TEAD1: variants seen among roughly 807,000 people sequenced by gnomAD.
TEAD1 encodes transcriptional enhancer factor TEF-1.
A neutral mutation model predicts 54.9 loss-of-function variants in TEAD1; 9 were observed. The ratio of observed to expected loss-of-function variants is 0.16; its 90% CI spans 0.10 to 0.29. TEAD1 has a LOEUF of 0.29. TEAD1 is among the 10% of genes least tolerant of loss of function. The probability of loss-of-function intolerance (pLI) is 1.00; values close to 1 mark genes in which losing one functional copy is unlikely to be tolerated. For missense variants in TEAD1, 387 were observed against 535.9 expected (o/e 0.72, Z 2.74); for synonymous variants, 200 against 187.8 (o/e 1.07, Z -0.53).
chr11:12,857,933 A>C (rs1451252946), intron 3 of TEAD1, among the ~76,000 whole-genome samples: 7 of 152,058 alleles, frequency 4.6e-5, no homozygotes, highest in Admixed American at 4.6e-4. Context: ...AAAAAATACA[A>C]AAGTTGGTCT....
At chr11:12,893,449 T>A (rs1948240710) in intron 9 of TEAD1, among the ~76,000 whole-genome samples, 1 of 152,182 alleles carries the variant, frequency 6.6e-6, no homozygotes, top group Admixed American at 6.5e-5. Context: ...TCTGGCCACT[T>A]CCCCTGTTTC....
intron 3 of TEAD1, among the ~76,000 whole-genome samples, chr11:12,803,111 T>TG (rs1946097165): frequency 1.3e-5 from 2 of 151,988 alleles, no homozygotes; most frequent in Admixed American, 6.6e-5. Flanking sequence ...TATTTTTTTT[T>TG]TTTGTTTTGC....
chr11:12,818,062 A>G (rs1946453064), intron 3 of TEAD1, among the ~76,000 whole-genome samples: 1 of 152,242 alleles, frequency 6.6e-6, no homozygotes. Flanking sequence ...GATAACCTAT[A>G]GGAAATTGGG....
chr11:12,818,577 C>T (rs988550230), intron 3 of TEAD1, among the ~76,000 whole-genome samples: 2 of 152,228 alleles, frequency 1.3e-5, no homozygotes, highest in Admixed American at 6.5e-5. Flanking sequence ...AAGTCCAGCT[C>T]CTCCAAACTG....
intron 2 of TEAD1, among the ~76,000 whole-genome samples, chr11:12,698,868 A>G (rs1352458874): frequency 1.3e-5 from 2 of 152,192 alleles, no homozygotes; most frequent in Non-Finnish European, 2.9e-5. Flanking sequence ...GGGTAATTTC[A>G]CATACTCTTT....
At chr11:12,781,446 A>C (rs781598384) in intron 3 of TEAD1, among the ~76,000 whole-genome samples, 3 of 152,334 alleles carry the variant, frequency 2.0e-5, no homozygotes, top group Non-Finnish European at 4.4e-5. Context: ...TTGTATCTAG[A>C]ATATATAAAG....
At chr11:12,906,128 T>G (rs1267530293) in intron 10 of TEAD1, among the ~76,000 whole-genome samples, 1 of 152,176 alleles carries the variant, frequency 6.6e-6, no homozygotes. Context: ...TTACAGTGTC[T>G]CATGCCTTCA....
At position 12,941,495 on chromosome 11, in the gene TEAD1, A is replaced by C. The variant is rs1949162015; in HGVS notation, c.*4273A>C. The C allele has an allele frequency of 6.6e-6, 1 of 152,390 alleles. No individual in the cohort carries two copies. The highest frequency in any genetic ancestry group is 1.5e-5 in the Non-Finnish European group (1 of 68,032). The allele number at this position is 152,390 out of a possible 1,614,324, so 9.4% of individuals were successfully genotyped here. On this transcript the variant is annotated 3_prime_UTR_variant, in exon 13 of 13. Transcript: ENST00000527636. ...CTTTAGCAGTTGTTTTTGTGCAACT[A>C]TAAATTATTTAAATCATCTGAGATG...
chr11:12,885,381 G>A (rs1043985365), intron 9 of TEAD1, among the ~76,000 whole-genome samples: 1 of 151,480 alleles, frequency 6.6e-6, no homozygotes. Flanking sequence ...GACTACAGGC[G>A]CCCGCCACTA....
chr11:12,686,611 T>C (rs1261433602), intron 2 of TEAD1, among the ~76,000 whole-genome samples: 1 of 152,170 alleles, frequency 6.6e-6, no homozygotes, highest in Non-Finnish European at 1.5e-5. Context: ...TTTCAGATTA[T>C]ATTTTAGAAC....
In TEAD1 at chr11:12,830,486, A is replaced by G. The variant is rs12288249; in HGVS notation, c.203-31764A>G. On this transcript the variant is annotated intron_variant, in intron 3 of 12. Coordinates refer to ENST00000527636, the MANE Select transcript of TEAD1 (RefSeq NM_021961.6). ...TCTGGCTGCAGAGACCCTCCTTTTT[A>G]GAAGCAGGCAGGGAGTGGTGCCCAG... Among the ~76,000 whole-genome samples the G allele has an allele frequency of 1.7e-3, 258 of 152,144 alleles. 1 individual carries two copies. The highest frequency in any genetic ancestry group is 5.2e-3 in the African/African-American group (217 of 41,508).
intron 3 of TEAD1, among the ~76,000 whole-genome samples, chr11:12,838,281 T>C (rs1000308128): frequency 1.3e-5 from 2 of 152,208 alleles, no homozygotes; most frequent in African/African-American, 4.8e-5. Context: ...TGGAGCACTG[T>C]ATTGTCCTTG....
chr11:12,786,970 T>G (rs1330934138), intron 3 of TEAD1, among the ~76,000 whole-genome samples: 3 of 152,154 alleles, frequency 2.0e-5, no homozygotes, highest in Non-Finnish European at 4.4e-5. Context: ...TGAGGACTGG[T>G]GGGCCTCCGT....
At chr11:12,804,777 A>G (rs1018351611) in intron 3 of TEAD1, among the ~76,000 whole-genome samples, 2 of 152,158 alleles carry the variant, frequency 1.3e-5, no homozygotes, top group Non-Finnish European at 2.9e-5. Context: ...ATGTGTTGGG[A>G]TGCAAAGGTG....
At chr11:12,925,130 G>T in intron 11 of TEAD1, 78 bp downstream of exon 11, 5 of 1,548,552 alleles carry the variant, frequency 3.2e-6, no homozygotes, top group Non-Finnish European at 4.4e-6. Flanking sequence ...TTGGGGCAGA[G>T]AGTTGTATTT....
chr11:12,883,223 A>G lies in TEAD1; in HGVS notation c.699+98A>G, dbSNP rs921809186. ...TTTCTTTCCTCCTTTACCCCGCCCC[A>G]TGCCTGACAAATATCCTGTGTGAAA... is the stretch of plus-strand genomic sequence containing the variant. On this transcript the variant is annotated intron_variant, in intron 9 of 12. Coordinates refer to ENST00000527636, the MANE Select transcript of TEAD1 (RefSeq NM_021961.6). 1.3e-5 allele frequency: 20 copies of G among 1,571,794 alleles called. 1 individual carries two copies. The highest frequency in any genetic ancestry group is 4.5e-5 in the East Asian group (2 of 44,656).
chr11:12,760,827 C>G (rs571145766), intron 2 of TEAD1, among the ~76,000 whole-genome samples: 36 of 152,180 alleles, frequency 2.4e-4, no homozygotes, highest in African/African-American at 8.4e-4. Flanking sequence ...GATGGAGTGC[C>G]AGGATGGTTA....
At chr11:12,829,793 G>A (rs749709394) in intron 3 of TEAD1, among the ~76,000 whole-genome samples, 4 of 152,166 alleles carry the variant, frequency 2.6e-5, no homozygotes, top group Admixed American at 6.5e-5. Flanking sequence ...ACTGTATCTG[G>A]TGCTTTACTC....
At position 12,689,850 on chromosome 11, in the gene TEAD1, G is replaced by A. The variant is rs116203222; in HGVS notation, c.-55+14289G>A. On this transcript the variant is annotated intron_variant, in intron 2 of 12. Coordinates refer to ENST00000527636, the MANE Select transcript of TEAD1 (RefSeq NM_021961.6). ...TGGAAGCAATCCTAGTTGTCATACC[G>A]TTTCATCTGTAAATTAGTACATATT... Among the ~76,000 whole-genome samples the A allele has an allele frequency of 6.2e-3, 942 of 151,746 alleles. 9 individuals are homozygous for A. The highest frequency in any genetic ancestry group is 0.02 in the African/African-American group (841 of 41,336).
Sources: allele counts gnomAD v4.1 joint callset (sites outside exome capture counted in the v4.1 genomes callset), GRCh38; gene constraint gnomAD v4.1.1; transcripts MANE v1.5; gene names NCBI Gene and HGNC (gene_info 2026-07-23, HGNC 2026-07-21).